The following CMBL variants were observed in gnomAD, a reference collection of about 807,000 sequenced individuals.
CMBL encodes the protein carboxymethylenebutenolidase homolog, also known as carboxymethylenebutenolidase homolog (Pseudomonas).
Under a neutral mutation model 28.7 loss-of-function variants are expected in CMBL, and 17 were observed. That is an observed-to-expected ratio of 0.59 (90% CI 0.41 to 0.89). CMBL has a LOEUF of 0.89. CMBL is among the 40% of genes least tolerant of loss of function. The pLI is 0.00. For missense variants in CMBL, 310 were observed against 298.5 expected (o/e 1.04, Z -0.28); for synonymous variants, 106 against 101.6 (o/e 1.04, Z -0.26).
intron 1 of CMBL, among the ~76,000 whole-genome samples, chr5:10,299,210 G>A (rs368382496): frequency 2.6e-5 from 4 of 152,062 alleles, no homozygotes. Context: ...AATATATAAA[G>A]AATTCTTATA....
chr5:10,297,695 T>C (rs1038091193), intron 1 of CMBL, among the ~76,000 whole-genome samples: 1 of 150,174 alleles, frequency 6.7e-6, no homozygotes, highest in African/African-American at 2.5e-5. Flanking sequence ...AATGATACCA[T>C]AGAAAGGAAA....
Position 10,286,415 on chromosome 5 carries a change from T to A in CMBL, c.405A>T (p.Gly135=). 6.2e-7 allele frequency: 1 copy of A among 1,614,102 alleles called. No homozygotes were observed. Among genetic ancestry groups the A allele is most frequent in the Non-Finnish European group, 8.5e-7 (1 of 1,179,996 alleles). The change falls in exon 4 of 6, where the codon GGA becomes GGT. Residue 135 remains glycine, a synonymous_variant. Transcript: ENST00000296658. ...TCATCATCAAATGATGGACAGCAGT[T>A]CCACCCCAGCAGAATCCCACGATGC... is the stretch of plus-strand genomic sequence containing the variant. ...KIGIVGFCWG[G]TAVHHLMMKY...
intron 1 of CMBL, among the ~76,000 whole-genome samples, chr5:10,306,313 G>A (rs569983274): frequency 1.1e-4 from 16 of 152,260 alleles, no homozygotes; most frequent in African/African-American, 3.6e-4. Flanking sequence ...TAACAAGCAG[G>A]GAAGTCTAGG....
At chr5:10,283,499 C>T (rs1237159976) in intron 4 of CMBL, among the ~76,000 whole-genome samples, 3 of 152,072 alleles carry the variant, frequency 2.0e-5, no homozygotes, top group South Asian at 2.1e-4. Flanking sequence ...AGTTTTTGGC[C>T]GGGCGAGGTG....
intron 1 of CMBL, among the ~76,000 whole-genome samples, chr5:10,298,774 TC>T (rs1212722968): frequency 1.3e-5 from 2 of 152,154 alleles, no homozygotes; most frequent in Non-Finnish European, 2.9e-5. Flanking sequence ...GCGCCTGTAA[TC>T]CCAGCTACTC....
At chr5:10,283,292 G>C (rs897492635) in intron 4 of CMBL, among the ~76,000 whole-genome samples, 2 of 152,144 alleles carry the variant, frequency 1.3e-5, no homozygotes, top group Non-Finnish European at 2.9e-5. Flanking sequence ...TTACAAAGAG[G>C]ATCAATGTCA....
intron 1 of CMBL, among the ~76,000 whole-genome samples, chr5:10,291,476 C>T (rs1746715641): frequency 1.3e-5 from 2 of 152,044 alleles, no homozygotes; most frequent in Admixed American, 1.3e-4. Context: ...TCCTGGCTAA[C>T]ACGGTGAAAC....
intron 1 of CMBL, 77 bp downstream of exon 1, chr5:10,307,548 T>C (rs1747019993): frequency 6.6e-6 from 1 of 152,216 alleles, no homozygotes; most frequent in East Asian, 1.9e-4. Context: ...TTTGCCATAG[T>C]CAGAACACAC....
intron 1 of CMBL, among the ~76,000 whole-genome samples, chr5:10,301,072 T>C (rs953119610): frequency 3.3e-5 from 5 of 151,838 alleles, no homozygotes; most frequent in African/African-American, 9.7e-5. Context: ...ATTAGGACAA[T>C]TGGTTACCGG....
intron 1 of CMBL, among the ~76,000 whole-genome samples, chr5:10,302,623 G>A (rs1317814304): frequency 1.3e-5 from 2 of 151,790 alleles, no homozygotes; most frequent in Non-Finnish European, 2.9e-5. Context: ...AGACAGGAAG[G>A]AGGAGTCCAA....
chr5:10,282,858 G>A (rs954398754), intron 4 of CMBL, among the ~76,000 whole-genome samples: 4 of 152,016 alleles, frequency 2.6e-5, no homozygotes, highest in Non-Finnish European at 4.4e-5. Context: ...TTGGGAGGTC[G>A]AGGAGGGCGG....
In CMBL at chr5:10,289,585, G is replaced by A. The variant is rs1021616835; in HGVS notation, c.215+963C>T. On this transcript the variant is annotated intron_variant, in intron 2 of 5. Transcript: ENST00000296658. This position sits in a 1 kb window ranked among gnomAD's most constrained non-coding sequence, Gnocchi z 4.3. ...AGCTCCTCCCTCAAGGGGCTGCCAG[G>A]AGGACTAAGGGCAATGAGCCCAGTC... 6.6e-6 allele frequency among the ~76,000 whole-genome samples: 1 copy of A among 152,190 alleles called. No individual in the cohort carries two copies. Among genetic ancestry groups the A allele is most frequent in the Non-Finnish European group, 1.5e-5 (1 of 68,028 alleles).
Position 10,279,455 on chromosome 5 carries a change from G to C in CMBL, c.*998C>G, listed in dbSNP as rs1430596989. On this transcript the variant is annotated 3_prime_UTR_variant, in exon 6 of 6. Coordinates refer to ENST00000296658, the MANE Select transcript of CMBL (RefSeq NM_138809.4). The stretch of plus-strand genomic sequence containing the variant: ...CCGTTTATAGTTCATGTTCTTCATG[G>C]CTTTGCAGCATTTGTCACTTTCTAT... The C allele has an allele frequency of 6.6e-6, 1 of 151,986 alleles. No individual in the cohort carries two copies. 9.4% of individuals were successfully genotyped at this position (151,986 alleles called of 1,614,324 possible).
chr5:10,285,957 C>A (rs1482245094), intron 4 of CMBL, among the ~76,000 whole-genome samples: 1 of 151,998 alleles, frequency 6.6e-6, no homozygotes, highest in Non-Finnish European at 1.5e-5. Context: ...CCTAAGCCTC[C>A]CAAAGTGTTG....
rs1579471397 is a variant in CMBL at position 10,286,071 on chromosome 5, C to G, written c.466+283G>C. ...CATTACATTAAAAAAACAAAAAAAG[C>G]TATCCCCTTCATCCTAGGTGAAGAA... On this transcript the variant is annotated intron_variant, in intron 4 of 5. Coordinates refer to ENST00000296658, the MANE Select transcript of CMBL (RefSeq NM_138809.4). The G allele has an allele frequency of 1.6e-5, 5 of 321,364 alleles. No homozygotes were observed. In the East Asian group the frequency reaches 2.6e-4, roughly 17 times the overall value. The allele number at this position is 321,364 out of a possible 1,614,324, so 19.9% of individuals were successfully genotyped here. A position where few individuals can be genotyped will look rare whatever the true frequency, so the allele number is the denominator to read the frequency against.
intron 1 of CMBL, among the ~76,000 whole-genome samples, chr5:10,304,784 CT>C (rs1746968204): frequency 6.6e-6 from 1 of 151,474 alleles, no homozygotes; most frequent in African/African-American, 2.4e-5. Flanking sequence ...TTTTTTTTAA[CT>C]TTTTTCCACA....
At chr5:10,290,441 G>T in intron 2 of CMBL, 107 bp downstream of exon 2, 1 of 886,402 alleles carries the variant, frequency 1.1e-6, no homozygotes, top group South Asian at 1.5e-5. Flanking sequence ...CTAATGTACA[G>T]TAGATACTGT....
chr5:10,288,471 A>C lies in CMBL; in HGVS notation c.274T>G (p.Ser92Ala). The C allele has an allele frequency of 6.2e-7, 1 of 1,614,148 alleles. No individual in the cohort carries two copies. The highest frequency in any genetic ancestry group is 8.5e-7 in the Non-Finnish European group (1 of 1,179,992). The change falls in exon 3 of 6, where the codon TCT becomes GCT. Residue 92 changes from serine to alanine, a missense_variant. Physicochemically the swap from Ser to Ala is moderately conservative, Grantham distance 99. Transcript: ENST00000296658. Reference sequence around the variant, plus strand: ...GTTTTCAGCCACTCAGGGAAGATAGACCAGTCGCCAGAGGGGTCCCAAGGC... The same window carrying C: ...GTTTTCAGCCACTCAGGGAAGATAGCCCAGTCGCCAGAGGGGTCCCAAGGC... Reference protein sequence around the residue: ...QEPWDPSGDWSIFPEWLKTRN... With the variant: ...QEPWDPSGDWAIFPEWLKTRN...
intron 3 of CMBL, 125 bp from the exon 4 acceptor site, chr5:10,286,621 G>C: frequency 1.2e-6 from 1 of 821,618 alleles, no homozygotes; most frequent in East Asian, 2.9e-5. Flanking sequence ...TCTTCTTTTG[G>C]GAGCTCCACC....
Sources: gnomAD v4.1 joint callset for allele counts (sites outside exome capture counted in the v4.1 genomes callset) on GRCh38, gnomAD v4.1.1 for gene constraint, Gnocchi (gnomAD v3.1) non-coding constraint, MANE v1.5 for transcripts, NCBI Gene and HGNC (gene_info 2026-07-23, HGNC 2026-07-21) for gene names.